Variants in P2RY8 observed in about 807,000 individuals in gnomAD.
P2RY8 encodes P2Y receptor family member 8, also known as S-geranylgeranyl-glutathione receptor P2RY8.
In P2RY8, 6 loss-of-function variants were observed where a neutral mutation model predicts 10.0. The ratio of observed to expected loss-of-function variants is 0.60; its 90% CI spans 0.33 to 1.19. The LOEUF (loss-of-function observed/expected upper bound fraction) is 1.19. Ranked by LOEUF, P2RY8 falls within the 50% of genes most tolerant of loss-of-function variation. The pLI, the probability that P2RY8 is intolerant of heterozygous loss-of-function variation, is 0.04. For synonymous variants in P2RY8, 276 were observed against 252.5 expected (o/e 1.09, Z -0.88); for missense variants, 456 against 542.0 (o/e 0.84, Z 1.58).
At chrX:1,467,671 G>A (rs1469486568) in intron 1 of P2RY8, among the ~76,000 whole-genome samples, 3 of 152,162 alleles carry the variant, frequency 2.0e-5, no homozygotes, top group Non-Finnish European at 4.4e-5. Context: ...CCCTGGAATT[G>A]TTCTTTTGTT....
intron 1 of P2RY8, among the ~76,000 whole-genome samples, chrX:1,512,362 C>A (rs1364382312): frequency 9.2e-5 from 14 of 152,110 alleles, no homozygotes; most frequent in African/African-American, 3.4e-4. Context: ...TCCTGGCCAA[C>A]ATGGTGAAAC....
chrX:1,522,757 C>T (rs182079122), intron 1 of P2RY8, among the ~76,000 whole-genome samples: 220 of 142,056 alleles, frequency 1.5e-3, no homozygotes, highest in African/African-American at 5.5e-3. Flanking sequence ...GGCAACAGAG[C>T]AAGACTCTGC....
At chrX:1,521,340 C>A (rs1180578504) in intron 1 of P2RY8, among the ~76,000 whole-genome samples, 1 of 152,082 alleles carries the variant, frequency 6.6e-6, no homozygotes, top group Non-Finnish European at 1.5e-5. Flanking sequence ...GCCACCGCGC[C>A]CGGCCTTTAT....
chrX:1,526,887 TTTC>T (rs1183843890), intron 1 of P2RY8, among the ~76,000 whole-genome samples: 3 of 151,772 alleles, frequency 2.0e-5, no homozygotes, highest in Non-Finnish European at 4.4e-5. Context: ...TATTCATTCA[TTTC>T]TTTTCTTTTC....
intron 1 of P2RY8, among the ~76,000 whole-genome samples, chrX:1,479,089 C>G (rs2091908342): frequency 6.6e-6 from 1 of 152,228 alleles, no homozygotes; most frequent in South Asian, 2.1e-4. Flanking sequence ...TTACAGAACA[C>G]ACACACACAC....
intron 1 of P2RY8, among the ~76,000 whole-genome samples, chrX:1,514,433 TTCTC>T: frequency 1.8e-4 from 1 of 5,608 alleles, no homozygotes; most frequent in Non-Finnish European, 6.4e-4. Flanking sequence ...TTCCTTTCCC[TTCTC>T]TTCCCTTCCC....
rs1317369931 is a variant in P2RY8 at position 1,536,976 on chromosome X, A to G, written c.-80T>C. The G allele has an allele frequency of 2.2e-5, 5 of 231,388 alleles. No homozygotes were observed. The highest frequency in any genetic ancestry group is 5.6e-5 in the Admixed American group (1 of 17,722). 14.3% of individuals were successfully genotyped at this position (231,388 alleles called of 1,614,324 possible). ...TGAGAGCTCAGAGGGTCTCCAGGTA[A>G]CAGGATGCAACGCTTAAGTCGACGG... On this transcript the variant is annotated 5_prime_UTR_variant, in exon 1 of 2. Transcript: ENST00000381297.
intron 1 of P2RY8, among the ~76,000 whole-genome samples, chrX:1,530,964 C>CATGTATGT (rs781440346): frequency 4.0e-5 from 6 of 151,202 alleles, no homozygotes; most frequent in Admixed American, 1.3e-4. Context: ...TCTATTTATC[C>CATGTATGT]ATGTATGTAT....
intron 1 of P2RY8, among the ~76,000 whole-genome samples, chrX:1,516,137 C>T (rs1379537255): frequency 2.3e-4 from 35 of 151,272 alleles, no homozygotes; most frequent in Admixed American, 2.2e-3. Flanking sequence ...GCGGAGGTTG[C>T]AGTGAGCGGA....
At position 1,533,979 on chromosome X, in the gene P2RY8, A is replaced by G. The variant is rs1356497765; in HGVS notation, c.-25+2942T>C. Among the ~76,000 whole-genome samples the G allele has an allele frequency of 2.4e-5, 3 of 124,428 alleles. No individual in the cohort carries two copies. In the Admixed American group the frequency reaches 2.7e-4, roughly 11 times the overall value. The allele number at this position is 124,428 out of a possible 152,430, so 81.6% of individuals were successfully genotyped here. A position where few individuals can be genotyped will look rare whatever the true frequency, so the allele number is the denominator to read the frequency against. On this transcript the variant is annotated intron_variant, in intron 1 of 1. Coordinates refer to ENST00000381297, the MANE Select transcript of P2RY8 (RefSeq NM_178129.5). Reference sequence around the variant, plus strand: ...ATAGTTATATATTTATAACTTAAATATATTATATATTTATATATTATTTAT... The same window carrying G: ...ATAGTTATATATTTATAACTTAAATGTATTATATATTTATATATTATTTAT...
chrX:1,521,572 C>T (rs73628590), intron 1 of P2RY8, among the ~76,000 whole-genome samples: 2,115 of 152,292 alleles, frequency 0.014, 49 homozygotes, highest in African/African-American at 0.049. Context: ...ATCAAAGTCA[C>T]AGGCCGGAGG....
intron 1 of P2RY8, among the ~76,000 whole-genome samples, chrX:1,523,020 G>C (rs1428354508): frequency 2.0e-5 from 3 of 150,804 alleles, no homozygotes; most frequent in Non-Finnish European, 4.4e-5. Flanking sequence ...AGAAAGCCGA[G>C]ATTGCACTAC....
At chrX:1,470,562 C>G (rs1207156063) in intron 1 of P2RY8, among the ~76,000 whole-genome samples, 2 of 151,972 alleles carry the variant, frequency 1.3e-5, no homozygotes, top group Admixed American at 1.3e-4. Context: ...ACTGCTAATC[C>G]TGTTCGTTCC....
chrX:1,485,915 C>T (rs1305355202), intron 1 of P2RY8, among the ~76,000 whole-genome samples: 1 of 151,728 alleles, frequency 6.6e-6, no homozygotes, highest in African/African-American at 2.4e-5. Flanking sequence ...GTGAAGGTAG[C>T]ATTAGAAAAT....
rs139083185 is a variant in P2RY8, at chrX:1,466,520, C to T, written c.39G>A (p.Thr13=). Residue 13 remains threonine (T), a synonymous_variant, in exon 2 of 2, where the codon ACG becomes ACA. Coordinates refer to ENST00000381297, the MANE Select transcript of P2RY8 (RefSeq NM_178129.5). ...VPNSTGPDNA[T]LQMLRNPAIA... is the part of the protein sequence containing the mutation. Reference sequence around the variant, plus strand: ...TCGCCGGGTTCCGCAGCATCTGCAGCGTCGCGTTGTCCGGGCCGGTGCTGT... The same window carrying T: ...TCGCCGGGTTCCGCAGCATCTGCAGTGTCGCGTTGTCCGGGCCGGTGCTGT... The T allele has an allele frequency of 2.5e-5, 41 of 1,609,854 alleles. No homozygotes were observed. The East Asian group carries it at 2.9e-4, about 11-fold the overall frequency.
At chrX:1,467,375 G>C (rs182513127) in intron 1 of P2RY8, among the ~76,000 whole-genome samples, 3 of 152,278 alleles carry the variant, frequency 2.0e-5, no homozygotes, top group Non-Finnish European at 4.4e-5. Context: ...TTTCGTTTCA[G>C]TTTCAGGGAG....
chrX:1,526,108 A>G (rs2092438380), intron 1 of P2RY8, among the ~76,000 whole-genome samples: 1 of 150,476 alleles, frequency 6.6e-6, no homozygotes, highest in African/African-American at 2.5e-5. Context: ...CAATACACCC[A>G]CTATTCAGAC....
At chrX:1,517,993 C>T (rs1236647849) in intron 1 of P2RY8, among the ~76,000 whole-genome samples, 1 of 151,572 alleles carries the variant, frequency 6.6e-6, no homozygotes, top group African/African-American at 2.4e-5. Context: ...CCTGTAATCC[C>T]AGCTACTCAG....
chrX:1,517,844 C>T (rs1482361628), intron 1 of P2RY8, among the ~76,000 whole-genome samples: 1 of 152,150 alleles, frequency 6.6e-6, no homozygotes, highest in Non-Finnish European at 1.5e-5. Flanking sequence ...CGCGGTGGCT[C>T]ACGCCTGTCA....
Sources: allele counts gnomAD v4.1 joint callset (sites outside exome capture counted in the v4.1 genomes callset), GRCh38; gene constraint gnomAD v4.1.1; transcripts MANE v1.5; gene names NCBI Gene and HGNC (gene_info 2026-07-23, HGNC 2026-07-21).